Variants in VPS13D observed in about 807,000 individuals in gnomAD.
VPS13D encodes intermembrane lipid transfer protein VPS13D.
Under a neutral mutation model 461.9 loss-of-function variants are expected in VPS13D, and 187 were observed. The ratio of observed to expected loss-of-function variants is 0.40; its 90% CI spans 0.36 to 0.46. The LOEUF (loss-of-function observed/expected upper bound fraction) is 0.46. VPS13D is among the 20% of genes least tolerant of loss of function. The pLI, the probability that VPS13D is intolerant of heterozygous loss-of-function variation, is 0.60. For synonymous variants in VPS13D, 1,951 were observed against 1,986.3 expected, an observed-to-expected ratio of 0.98 and a Z score of 0.47; for missense variants, 4,711 against 5,364.9, an observed-to-expected ratio of 0.88 and a Z score of 3.81.
In VPS13D at chr1:12,307,069, A is replaced by T. The variant is rs182655574; in HGVS notation, c.6440-1362A>T. On this transcript the variant is annotated intron_variant, in intron 26 of 69. Coordinates refer to ENST00000620676, the MANE Select transcript of VPS13D (RefSeq NM_015378.4). The stretch of plus-strand genomic sequence containing the variant: ...TAGCAGATCAGCTCTACTTTTATCT[A>T]TTCCATGTATTTATCAATGTAAGTA... Among the ~76,000 whole-genome samples the T allele has an allele frequency of 2.6e-3, 391 of 152,270 alleles. 4 individuals are homozygous for T. Among genetic ancestry groups the T allele is most frequent in the East Asian group, 7.7e-4 (4 of 5,186 alleles).
At chr1:12,235,213 A>G (rs1640108265) in intron 2 of VPS13D, among the ~76,000 whole-genome samples, 1 of 152,226 alleles carries the variant, frequency 6.6e-6, no homozygotes, top group African/African-American at 2.4e-5. Flanking sequence ...AGAGCAGGTT[A>G]GAGAGAACAG....
chr1:12,472,389 A>G (rs1316148463), intron 67 of VPS13D, among the ~76,000 whole-genome samples: 4 of 152,184 alleles, frequency 2.6e-5, no homozygotes, highest in African/African-American at 9.7e-5. Flanking sequence ...CTTCCCATGC[A>G]GCCTTTTAAC....
At chr1:12,309,212 C>CTTTT (rs201262655) in intron 27 of VPS13D, among the ~76,000 whole-genome samples, 5 of 131,050 alleles carry the variant, frequency 3.8e-5, no homozygotes, top group African/African-American at 8.4e-5. Context: ...TCTTTTTTTT[C>CTTTT]TTTTTTTTTT....
intron 27 of VPS13D, among the ~76,000 whole-genome samples, chr1:12,309,048 C>A (rs944110163): frequency 6.6e-6 from 1 of 152,090 alleles, no homozygotes; most frequent in African/African-American, 2.4e-5. Flanking sequence ...CTTATTTCTT[C>A]GTCTATTTAA....
At chr1:12,445,313 T>C (rs1218457003) in intron 65 of VPS13D, among the ~76,000 whole-genome samples, 1 of 152,248 alleles carries the variant, frequency 6.6e-6, no homozygotes, top group Non-Finnish European at 1.5e-5. Context: ...TTCTAGTCGT[T>C]GAAGGTTTTC....
Position 12,495,131 on chromosome 1 carries a change from T to C in VPS13D, c.12663-2369T>C, listed in dbSNP as rs949065183. Among the ~76,000 whole-genome samples the C allele has an allele frequency of 3.3e-5, 5 of 151,310 alleles. No individual in the cohort carries two copies. The highest frequency in any genetic ancestry group is 1.2e-4 in the African/African-American group (5 of 41,178). Reference sequence around the variant, plus strand: ...AGCAAATGTGCTTTGAGCAGATGACTGACTTGATGTAACTTACCTTTTTTT... The same window carrying C: ...AGCAAATGTGCTTTGAGCAGATGACCGACTTGATGTAACTTACCTTTTTTT... On this transcript the variant is annotated intron_variant, in intron 67 of 69. Transcript: ENST00000620676. The surrounding 1 kb of genome is among the most constrained non-coding windows in gnomAD (Gnocchi z 4.0).
At chr1:12,487,186 C>G (rs1468083631) in intron 67 of VPS13D, among the ~76,000 whole-genome samples, 1 of 152,072 alleles carries the variant, frequency 6.6e-6, no homozygotes, top group African/African-American at 2.4e-5. Flanking sequence ...TTTCCGTGTC[C>G]CTAGCACTTT....
chr1:12,310,631 A>G (rs557546654), intron 27 of VPS13D, among the ~76,000 whole-genome samples: 1 of 152,368 alleles, frequency 6.6e-6, no homozygotes, highest in East Asian at 1.9e-4. Context: ...AAAGAGTTAA[A>G]TAAAGATCTT....
Position 12,277,244 on chromosome 1 carries a change from G to A in VPS13D, c.3656G>A (p.Cys1219Tyr), listed in dbSNP as rs1210553967. ...STFDMNGSLGCLQLMDLTQDN... is the reference protein window; with the variant it reads ...STFDMNGSLGYLQLMDLTQDN... The stretch of plus-strand genomic sequence containing the variant: ...TTTGACATGAATGGTTCTCTTGGCT[G>A]TTTACAGCTTATGGATTTGACACAA... The change falls in exon 19 of 70, where the codon TGT becomes TAT. Residue 1219 changes from cysteine to tyrosine, a missense_variant. This residue lies in a region of VPS13D where 4,411 missense variants were observed against 4,937.8 expected (regional missense o/e 0.89). Coordinates refer to ENST00000620676, the MANE Select transcript of VPS13D (RefSeq NM_015378.4). 6.2e-7 allele frequency: 1 copy of A among 1,614,224 alleles called. No homozygotes were observed.
Position 12,299,298 on chromosome 1 carries a change from CTGAT to C in VPS13D, c.6133_6136del (p.Ile2045Ter), listed in dbSNP as rs1642357556. On this transcript the variant is annotated frameshift_variant, in exon 25 of 70. Transcript: ENST00000620676. LOFTEE classifies it high-confidence loss of function. The surrounding 1 kb of genome is among the most constrained non-coding windows in gnomAD (Gnocchi z 4.2). Reference sequence around the variant, plus strand: ...CCCAGAAAGTTCCAGATCAAATAATCTGATTGTAGCAAATTTGGGGAAGTTGAAA... The same window carrying C: ...CCCAGAAAGTTCCAGATCAAATAATCTGTAGCAAATTTGGGGAAGTTGAAA... The C allele has an allele frequency of 6.2e-7, 1 of 1,613,814 alleles. No homozygotes were observed. Among genetic ancestry groups the C allele is most frequent in the Admixed American group, 1.7e-5 (1 of 59,910 alleles).
intron 44 of VPS13D, 52 bp downstream of exon 44, chr1:12,346,704 C>T: frequency 6.7e-7 from 1 of 1,494,840 alleles, no homozygotes; most frequent in Non-Finnish European, 9.2e-7. Context: ...ATACACTGCA[C>T]CTGAATCATG....
intron 65 of VPS13D, among the ~76,000 whole-genome samples, chr1:12,447,035 G>T (rs902237306): frequency 6.6e-6 from 1 of 152,194 alleles, no homozygotes; most frequent in Non-Finnish European, 1.5e-5. Flanking sequence ...TGGGCCAGGT[G>T]TCTGAGTTAC....
intron 34 of VPS13D, among the ~76,000 whole-genome samples, chr1:12,323,156 A>G (rs1283435574): frequency 6.6e-6 from 1 of 152,074 alleles, no homozygotes; most frequent in Non-Finnish European, 1.5e-5. Context: ...TGCAGCCTCA[A>G]ACTCCTGGGC....
In VPS13D at chr1:12,497,561, C is replaced by G; in HGVS notation, c.12724C>G (p.Arg4242Gly). The G allele has an allele frequency of 1.9e-6, 3 of 1,614,068 alleles. No individual in the cohort carries two copies. The highest frequency in any genetic ancestry group is 2.5e-6 in the Non-Finnish European group (3 of 1,179,998). ...CCTGPQGLLP[R>G]YSESQAEGQE... ...CACGGGGCCCCAGGGGCTGCTTCCC[C>G]GATATTCTGAGAGCCAGGCGGAAGG... The change falls in exon 68 of 70, where the codon CGA (arginine) becomes GGA (glycine). Residue 4242 changes from arginine to glycine, a missense_variant. Physicochemically the swap from Arg to Gly is moderately radical, Grantham distance 125. Coordinates refer to ENST00000620676, the MANE Select transcript of VPS13D (RefSeq NM_015378.4).
chr1:12,234,461 T>C, intron 2 of VPS13D, 98 bp downstream of exon 2: 1 of 970,170 alleles, frequency 1.0e-6, no homozygotes, highest in Non-Finnish European at 1.6e-6. Flanking sequence ...AATGCCCAGA[T>C]GGCTTTGTAC....
intron 46 of VPS13D, among the ~76,000 whole-genome samples, chr1:12,350,177 A>G (rs949169516): frequency 3.9e-5 from 6 of 152,210 alleles, no homozygotes; most frequent in South Asian, 2.1e-4. Context: ...GATTTGAACA[A>G]TGTTATCAAT....
At chr1:12,484,221 C>T (rs1645765325) in intron 67 of VPS13D, among the ~76,000 whole-genome samples, 1 of 152,154 alleles carries the variant, frequency 6.6e-6, no homozygotes, top group South Asian at 2.1e-4. Context: ...TGGGCCAGGC[C>T]TTCCCAGGAA....
intron 67 of VPS13D, among the ~76,000 whole-genome samples, chr1:12,472,534 G>T (rs554238819): frequency 6.6e-6 from 1 of 152,214 alleles, no homozygotes; most frequent in African/African-American, 2.4e-5. Context: ...CTGCTTTGTG[G>T]CTTCCACTCC....
At chr1:12,278,203 G>A (rs532515907) in intron 19 of VPS13D, among the ~76,000 whole-genome samples, 165 bp downstream of exon 19, 2 of 152,212 alleles carry the variant, frequency 1.3e-5, no homozygotes, top group South Asian at 4.1e-4. Flanking sequence ...GTAGTAGGTT[G>A]GCATGTTTTC....
Sources: allele counts gnomAD v4.1 joint callset (sites outside exome capture counted in the v4.1 genomes callset), GRCh38; gene constraint gnomAD v4.1.1; regional missense constraint gnomAD v4.1.1; non-coding constraint Gnocchi (gnomAD v3.1); transcripts MANE v1.5; gene names NCBI Gene and HGNC (gene_info 2026-07-23, HGNC 2026-07-21).